The following TENM2 variants were observed in gnomAD, a reference collection of about 807,000 sequenced individuals.
TENM2 encodes the protein teneurin-2.
Under a neutral mutation model 245.2 loss-of-function variants are expected in TENM2, and 52 were observed. That is an observed-to-expected ratio of 0.21 (90% CI 0.17 to 0.27). The LOEUF is 0.27. TENM2 is among the 10% of genes least tolerant of loss of function. The probability of loss-of-function intolerance (pLI) is 1.00; values close to 1 mark genes in which losing one functional copy is unlikely to be tolerated. For synonymous variants in TENM2, 1,363 were observed against 1,438.9 expected (o/e 0.95, Z 1.19); for missense variants, 3,046 against 3,666.8 (o/e 0.83, Z 4.37).
At chr5:167,870,795 T>C (rs1772766589) in intron 2 of TENM2, among the ~76,000 whole-genome samples, 1 of 151,898 alleles carries the variant, frequency 6.6e-6, no homozygotes, top group African/African-American at 2.4e-5. Context: ...TTGTTACTGT[T>C]ATCTGAGCAT....
chr5:167,418,271 G>C (rs1763283872), intron 2 of TENM2, among the ~76,000 whole-genome samples: 1 of 151,570 alleles, frequency 6.6e-6, no homozygotes, highest in Non-Finnish European at 1.5e-5. Flanking sequence ...GGAGGTTGAG[G>C]TGAGCCGAGA....
the TENM2 span, among the ~76,000 whole-genome samples, chr5:167,108,989 G>C: frequency 6.6e-6 from 1 of 152,132 alleles, no homozygotes; most frequent in Non-Finnish European, 1.5e-5. Flanking sequence ...CCAAAGCTTA[G>C]TAGCTAATTT....
chr5:167,359,936 G>A (rs748496728), intron 1 of TENM2, among the ~76,000 whole-genome samples: 34 of 152,096 alleles, frequency 2.2e-4, no homozygotes, highest in Admixed American at 1.2e-3. Flanking sequence ...GCCAAATACC[G>A]CATTTTCTCA....
chr5:167,545,544 A>ATT (rs1047678761), intron 2 of TENM2, among the ~76,000 whole-genome samples: 3 of 152,192 alleles, frequency 2.0e-5, no homozygotes, highest in Non-Finnish European at 2.9e-5. Context: ...ATCGTGGTTA[A>ATT]TTTTTACATC....
chr5:167,149,650 G>A, the TENM2 span, among the ~76,000 whole-genome samples: 1 of 152,116 alleles, frequency 6.6e-6, no homozygotes, highest in Non-Finnish European at 1.5e-5. Flanking sequence ...AATAACCTGT[G>A]CTGCTCTTCC....
At chr5:167,627,359 T>A (rs1778574967) in intron 2 of TENM2, among the ~76,000 whole-genome samples, 1 of 152,148 alleles carries the variant, frequency 6.6e-6, no homozygotes, top group Non-Finnish European at 1.5e-5. Flanking sequence ...GAGGTCCTAT[T>A]ATCAATGTAG....
At chr5:168,251,220 C>T (rs1767087966) in intron 27 of TENM2, among the ~76,000 whole-genome samples, 1 of 152,210 alleles carries the variant, frequency 6.6e-6, no homozygotes, top group African/African-American at 2.4e-5. Context: ...TGTCCCGCTG[C>T]CAAGACGCAA....
At chr5:167,323,470 C>T (rs928805367) in intron 1 of TENM2, among the ~76,000 whole-genome samples, 1 of 152,074 alleles carries the variant, frequency 6.6e-6, no homozygotes, top group Non-Finnish European at 1.5e-5. Context: ...ATATATTCCC[C>T]TCCCTAAAAT....
intron 3 of TENM2, among the ~76,000 whole-genome samples, chr5:167,890,385 C>A (rs565451724): frequency 2.6e-5 from 4 of 152,196 alleles, no homozygotes; most frequent in East Asian, 1.9e-4. Flanking sequence ...AAATAATAAT[C>A]ATCATCACTT....
intron 3 of TENM2, among the ~76,000 whole-genome samples, chr5:167,889,248 A>G (rs1774540528): frequency 1.3e-5 from 2 of 152,096 alleles, no homozygotes; most frequent in African/African-American, 4.8e-5. Flanking sequence ...ATTTACAAAG[A>G]TGCCTTTGCG....
At chr5:167,705,021 A>C (rs1191083176) in intron 2 of TENM2, among the ~76,000 whole-genome samples, 8 of 152,308 alleles carry the variant, frequency 5.3e-5, no homozygotes, top group South Asian at 4.1e-4. Flanking sequence ...GGTAAAAGTC[A>C]CCATCAAGAA....
intron 19 of TENM2, among the ~76,000 whole-genome samples, chr5:168,209,358 A>G (rs936469919): frequency 6.6e-6 from 1 of 152,222 alleles, no homozygotes; most frequent in Admixed American, 6.5e-5. Context: ...TGAATTCTAC[A>G]TGGGGACTTT....
the TENM2 span, among the ~76,000 whole-genome samples, chr5:167,161,371 C>T: frequency 6.6e-6 from 1 of 152,140 alleles, no homozygotes; most frequent in South Asian, 2.1e-4. Flanking sequence ...TCTAAATATC[C>T]TAGTATCTTT....
intron 2 of TENM2, among the ~76,000 whole-genome samples, chr5:167,527,326 A>T (rs906596933): frequency 6.6e-6 from 1 of 152,124 alleles, no homozygotes; most frequent in Non-Finnish European, 1.5e-5. Context: ...AAAAGAAAAA[A>T]ATTCAGCAGA....
At chr5:167,710,317 T>A (rs1053764307) in intron 2 of TENM2, among the ~76,000 whole-genome samples, 8 of 149,884 alleles carry the variant, frequency 5.3e-5, no homozygotes, top group African/African-American at 2.0e-4. Flanking sequence ...AAAGTAGCCC[T>A]TATTTTTAAG....
chr5:168,034,050 T>A (rs1787386458), intron 5 of TENM2, among the ~76,000 whole-genome samples: 1 of 139,652 alleles, frequency 7.2e-6, no homozygotes, highest in African/African-American at 2.6e-5. Context: ...TATGTGTGTG[T>A]ATATATATAT....
At chr5:168,225,603 A>G (rs1764096841) in intron 23 of TENM2, among the ~76,000 whole-genome samples, 1 of 152,094 alleles carries the variant, frequency 6.6e-6, no homozygotes, top group South Asian at 2.1e-4. Context: ...TCTACAAAAA[A>G]TGCAAAAATT....
intron 28 of TENM2, 38 bp from the exon 31 acceptor site, chr5:168,262,011 T>C: frequency 6.3e-7 from 1 of 1,593,546 alleles, no homozygotes. Context: ...GCTGCCCAGC[T>C]CATCTTCTCA....
chr5:167,350,234 T>C (rs1418792475), intron 1 of TENM2, among the ~76,000 whole-genome samples: 2 of 152,072 alleles, frequency 1.3e-5, no homozygotes, highest in Non-Finnish European at 2.9e-5. Context: ...CAAAAATGAG[T>C]CTGACTAAAT....
Sources: allele counts gnomAD v4.1 joint callset (sites outside exome capture counted in the v4.1 genomes callset), GRCh38; gene constraint gnomAD v4.1.1; transcripts MANE v1.5; gene names NCBI Gene and HGNC (gene_info 2026-07-23, HGNC 2026-07-21).